OTOF: variants seen among roughly 807,000 people sequenced by gnomAD.
The protein encoded by OTOF is otoferlin.
Under a neutral mutation model 236.8 loss-of-function variants are expected in OTOF, and 218 were observed. The observed-to-expected ratio is 0.92, with a 90% CI of 0.82 to 1.03. The LOEUF (loss-of-function observed/expected upper bound fraction) is 1.03, where lower values mean the gene tolerates loss of function less well. OTOF is among the 50% of genes least tolerant of loss of function. The pLI is 0.00. For missense variants in OTOF, 2,590 were observed against 2,694.4 expected (o/e 0.96, Z 0.86); for synonymous variants, 1,041 against 1,072.5 (o/e 0.97, Z 0.57).
intron 2 of OTOF, among the ~76,000 whole-genome samples, chr2:26,534,858 G>A (rs1230893482): frequency 6.6e-6 from 1 of 152,188 alleles, no homozygotes; most frequent in Admixed American, 6.5e-5. Flanking sequence ...AGGCTTTCTG[G>A]AAAGTCAAGA....
intron 32 of OTOF, among the ~76,000 whole-genome samples, chr2:26,469,259 C>A (rs1210125897): frequency 3.3e-5 from 5 of 152,084 alleles, no homozygotes; most frequent in Non-Finnish European, 7.4e-5. Flanking sequence ...AAACTAGAAA[C>A]CAGGTTTCAA....
rs1664411080 is a variant in OTOF, at chr2:26,460,567, G to C, written c.5813+80C>G. 1.8e-6 allele frequency: 2 copies of C among 1,099,322 alleles called. No homozygotes were observed. Among genetic ancestry groups the C allele is most frequent in the African/African-American group, 1.5e-5 (1 of 64,790 alleles). The allele number at this position is 1,099,322 out of a possible 1,614,324, so 68.1% of individuals were successfully genotyped here. A position where few individuals can be genotyped will look rare whatever the true frequency, so the allele number is the denominator to read the frequency against. On this transcript the variant is annotated intron_variant, in intron 45 of 46. Transcript: ENST00000272371. This position sits in a 1 kb window ranked among gnomAD's most constrained non-coding sequence, Gnocchi z 5.3. ...AGGCTGTGGCCCAGGAAGAGATGGGGTGTCTGGGGATCGTCTCCTTCCTGT... is the reference window on the plus strand; with the variant it reads ...AGGCTGTGGCCCAGGAAGAGATGGGCTGTCTGGGGATCGTCTCCTTCCTGT...
intron 1 of OTOF, among the ~76,000 whole-genome samples, chr2:26,546,965 CT>C (rs1349061632): frequency 1.3e-5 from 2 of 152,140 alleles, no homozygotes; most frequent in African/African-American, 4.8e-5. Context: ...AGTTTTACTT[CT>C]TCCTTTCCAA....
intron 36 of OTOF, 37 bp from the exon 37 acceptor site, chr2:26,466,113 A>G (rs1664716435): frequency 6.2e-7 from 1 of 1,613,430 alleles, no homozygotes; most frequent in Admixed American, 1.7e-5. Context: ...GCAGGCTCCC[A>G]TGCCCTGCTC....
rs754442389 is a variant in OTOF, at chr2:26,466,104, C to A, written c.4501-28G>T. 5.6e-6 allele frequency: 9 copies of A among 1,613,816 alleles called. No individual in the cohort carries two copies. In the East Asian group the frequency reaches 2.0e-4, roughly 36 times the overall value. On this transcript the variant is annotated intron_variant, in intron 36 of 46. Coordinates refer to ENST00000272371, the MANE Select transcript of OTOF (RefSeq NM_194248.3). ...GGAATGGGGAGAAGGGCTGCCTGAG[C>A]AGGCTCCCATGCCCTGCTCATCTTC...
At chr2:26,479,783 A>C in intron 16 of OTOF, 130 bp from the exon 17 acceptor site, 1 of 849,360 alleles carries the variant, frequency 1.2e-6, no homozygotes, top group Non-Finnish European at 1.9e-6. Context: ...CAGACGTGAC[A>C]CATCATTAGC....
At position 26,479,535 on chromosome 2, in the gene OTOF, ACC is replaced by A; in HGVS notation, c.2029_2030del (p.Gly677Ter). The A allele has an allele frequency of 6.2e-7, 1 of 1,610,042 alleles. No individual in the cohort carries two copies. Among genetic ancestry groups the A allele is most frequent in the Non-Finnish European group, 8.5e-7 (1 of 1,178,940 alleles). On this transcript the variant is annotated frameshift_variant, in exon 17 of 47. Coordinates refer to ENST00000272371, the MANE Select transcript of OTOF (RefSeq NM_194248.3). LOFTEE classifies it high-confidence loss of function. Reference protein sequence around the residue: ...LIQNASDDEAGDAGDLASVSS... With the variant: ...LIQNASDDEAXDAGDLASVSS... ...AGACTGAGGCCAGGTCCCCGGCATC[ACC>A]GGCCTCGTCATCACTTGCGTTCTGA... is the stretch of plus-strand genomic sequence containing the variant.
At position 26,527,933 on chromosome 2, in the gene OTOF, G is replaced by T; in HGVS notation, c.139-13C>A. On this transcript the variant is annotated splice_polypyrimidine_tract_variant and intron_variant, in intron 2 of 46. Coordinates refer to ENST00000272371, the MANE Select transcript of OTOF (RefSeq NM_194248.3). ...GCCACCGAAATGTCTGGGGAGAGAG[G>T]GACAACTGCGGCTTCGGTGGCAATA... 2 of 1,602,740 alleles carry T rather than the reference G, an allele frequency of 1.2e-6. No individual in the cohort carries two copies. The highest frequency in any genetic ancestry group is 1.7e-6 in the Non-Finnish European group (2 of 1,169,704).
chr2:26,459,417 T>C (rs973605738), intron 46 of OTOF, among the ~76,000 whole-genome samples: 2 of 151,994 alleles, frequency 1.3e-5, no homozygotes, highest in African/African-American at 4.8e-5. Context: ...CCAGGCGTGG[T>C]GGCGGGTGCC....
intron 24 of OTOF, 68 bp from the exon 25 acceptor site, chr2:26,475,561 A>C (rs1572425620): frequency 3.9e-6 from 6 of 1,537,120 alleles, no homozygotes; most frequent in African/African-American, 1.4e-5. Context: ...AACAGAAGCC[A>C]CCCCTACTCA....
intron 1 of OTOF, among the ~76,000 whole-genome samples, chr2:26,538,708 G>A (rs551536544): frequency 1.2e-4 from 18 of 152,248 alleles, no homozygotes; most frequent in African/African-American, 3.9e-4. Context: ...CCGGGGCCTC[G>A]GGATAGAGGA....
intron 32 of OTOF, among the ~76,000 whole-genome samples, chr2:26,468,745 CT>C (rs1427291148): frequency 7.9e-5 from 12 of 152,182 alleles, no homozygotes; most frequent in African/African-American, 2.9e-4. Context: ...AGTTCATGTC[CT>C]TTGCAGGGAC....
rs181339985 is a variant in OTOF, at chr2:26,461,524, C to T, written c.5533+172G>A. ...GACACTGAGAACATCTGCCTAGGGA[C>T]GGTTAGGTGGGTCCTTGGGGGCGGA... is the stretch of plus-strand genomic sequence containing the variant. On this transcript the variant is annotated intron_variant, in intron 43 of 46. Transcript: ENST00000272371. The surrounding 1 kb of genome is among the most constrained non-coding windows in gnomAD (Gnocchi z 6.2). Among the ~76,000 whole-genome samples, 14 of 152,100 alleles carry T rather than the reference C, an allele frequency of 9.2e-5. No individual in the cohort carries two copies. The highest frequency in any genetic ancestry group is 2.9e-4 in the African/African-American group (12 of 41,492).
At chr2:26,510,763 A>G in intron 5 of OTOF, 1 of 1,287,842 alleles carries the variant, frequency 7.8e-7, no homozygotes, top group South Asian at 1.2e-5. Flanking sequence ...AGTAGGGGGA[A>G]GAAATGAGGA....
chr2:26,477,080 G>A lies in OTOF; in HGVS notation c.2524-37C>T, dbSNP rs766111749. The A allele has an allele frequency of 2.6e-6, 4 of 1,525,762 alleles. No homozygotes were observed. In the South Asian group the frequency reaches 4.7e-5, roughly 18 times the overall value. 94.5% of individuals were successfully genotyped at this position (1,525,762 alleles called of 1,614,324 possible). A position where few individuals can be genotyped will look rare whatever the true frequency, so the allele number is the denominator to read the frequency against. ...GGGGTGGCCAGGGGCAGTGGGTAAG[G>A]GGGTCTAGCCTCCTGATTGAGCCCC... is the stretch of plus-strand genomic sequence containing the variant. On this transcript the variant is annotated intron_variant, in intron 21 of 46. Coordinates refer to ENST00000272371, the MANE Select transcript of OTOF (RefSeq NM_194248.3). This position sits in a 1 kb window ranked among gnomAD's most constrained non-coding sequence, Gnocchi z 4.7.
At chr2:26,459,881 C>T (rs578260587) in intron 46 of OTOF, 127 bp downstream of exon 46, 1 of 916,762 alleles carries the variant, frequency 1.1e-6, no homozygotes, top group Non-Finnish European at 1.7e-6. Flanking sequence ...TGTGTGCATA[C>T]ATGCTTGTGT....
At chr2:26,479,767 G>A in intron 16 of OTOF, 114 bp from the exon 17 acceptor site, 2 of 1,020,874 alleles carry the variant, frequency 2.0e-6, no homozygotes, top group East Asian at 5.0e-5. Context: ...GTCAGGGAAT[G>A]GGGCTCAGAC....
At chr2:26,558,454 C>T (rs763940733) in intron 1 of OTOF, 39 bp downstream of exon 1, 14 of 1,581,006 alleles carry the variant, frequency 8.9e-6, no homozygotes, top group Non-Finnish European at 1.2e-5. Flanking sequence ...TGGTCCAGCT[C>T]TCAGAGCTGG....
In OTOF at chr2:26,501,784, C is replaced by T. The variant is rs200500659; in HGVS notation, c.735G>A (p.Glu245=). Residue 245 remains glutamate (E), a synonymous_variant, in exon 8 of 47, where the codon GAG becomes GAA. Transcript: ENST00000272371. ...AATCCATGGGCCGCCCAGCACTTGG[C>T]TCCATCTTAATGTCTGGCTTAGATC... ...NKRSKPDIKM[E]PSAGRPMDYQ... 1.7e-5 allele frequency: 27 copies of T among 1,613,916 alleles called. No homozygotes were observed. In the Admixed American group the frequency reaches 3.2e-4, roughly 19 times the overall value.
Sources: allele counts gnomAD v4.1 joint callset (sites outside exome capture counted in the v4.1 genomes callset), GRCh38; gene constraint gnomAD v4.1.1; non-coding constraint Gnocchi (gnomAD v3.1); transcripts MANE v1.5; gene names NCBI Gene and HGNC (gene_info 2026-07-23, HGNC 2026-07-21).